Variants in SORL1 observed in about 807,000 individuals in gnomAD.
SORL1 encodes the protein sortilin-related receptor.
SORL1 carries 127 observed loss-of-function variants against 273.7 expected under a neutral mutation model. The ratio of observed to expected loss-of-function variants is 0.46; its 90% CI spans 0.40 to 0.54. The LOEUF (loss-of-function observed/expected upper bound fraction) is 0.54, where lower values mean the gene tolerates loss of function less well. SORL1 is among the 20% of genes least tolerant of loss of function. The pLI is 0.00. For missense variants in SORL1, 2,494 were observed against 2,846.1 expected (o/e 0.88, Z 2.81); for synonymous variants, 1,031 against 1,067.4 (o/e 0.97, Z 0.66).
At chr11:121,475,558 T>A (rs1308461920) in intron 2 of SORL1, among the ~76,000 whole-genome samples, 1 of 152,234 alleles carries the variant, frequency 6.6e-6, no homozygotes, top group Non-Finnish European at 1.5e-5. Context: ...GGCTTTCTAC[T>A]TGGTTAATGT....
intron 3 of SORL1, 91 bp from the exon 4 acceptor site, chr11:121,487,941 T>C: frequency 7.4e-7 from 1 of 1,358,388 alleles, no homozygotes; most frequent in Non-Finnish European, 1.0e-6. Context: ...CCTGCACATG[T>C]GTGTACTCGT....
chr11:121,480,084 T>C (rs1355362311), intron 3 of SORL1, among the ~76,000 whole-genome samples: 2 of 152,160 alleles, frequency 1.3e-5, no homozygotes, highest in East Asian at 3.9e-4. Flanking sequence ...CATAGCTGCC[T>C]CTTCTGTGGA....
At chr11:121,562,656 G>C (rs1005737606) in intron 21 of SORL1, among the ~76,000 whole-genome samples, 16 of 152,228 alleles carry the variant, frequency 1.1e-4, no homozygotes, top group African/African-American at 2.9e-4. Flanking sequence ...TTTACTTCAT[G>C]ATGACCCTAC....
rs1555047956 is a variant in SORL1 at position 121,472,978 on chromosome 11, AAG to A, written c.402+2856_402+2857del. 2.6e-5 allele frequency among the ~76,000 whole-genome samples: 4 copies of A among 151,414 alleles called. No homozygotes were observed. The East Asian group carries it at 7.8e-4, about 29-fold the overall frequency. On this transcript the variant is annotated intron_variant, in intron 2 of 47. Coordinates refer to ENST00000260197, the MANE Select transcript of SORL1 (RefSeq NM_003105.6). ...CTCTGTCTCAAAAAAGAAAAAAAAA[AAG>A]GAGATAGATTAAATGGGAAGGAAAC...
chr11:121,579,407 T>C (rs971576561), intron 25 of SORL1, among the ~76,000 whole-genome samples: 42 of 152,372 alleles, frequency 2.8e-4, no homozygotes, highest in Non-Finnish European at 1.0e-4. Context: ...GCTGACCTCC[T>C]GTTGGCATCA....
In SORL1 at chr11:121,577,399, C is replaced by G; in HGVS notation, c.3579C>G (p.Thr1193=). ...CRDWSDEANC[T]AIYHTCEASN... is the part of the protein sequence containing the mutation. ...ACTGGTCTGATGAAGCCAACTGTAC[C>G]GGTCAGTACTTCCTGGACTCAGTTG... Residue 1193 remains threonine, a splice_region_variant and synonymous_variant, in exon 25 of 48, where the codon ACC becomes ACG. Coordinates refer to ENST00000260197, the MANE Select transcript of SORL1 (RefSeq NM_003105.6). 1.3e-6 allele frequency: 2 copies of G among 1,597,476 alleles called. No homozygotes were observed. Among genetic ancestry groups the G allele is most frequent in the Non-Finnish European group, 1.7e-6 (2 of 1,172,096 alleles).
At chr11:121,530,460 A>AGTAAT (rs1862186998) in intron 11 of SORL1, among the ~76,000 whole-genome samples, 1 of 152,152 alleles carries the variant, frequency 6.6e-6, no homozygotes, top group African/African-American at 2.4e-5. Flanking sequence ...TACTTTAAAG[A>AGTAAT]TGTCTACTGT....
chr11:121,627,768 GT>G lies in SORL1; in HGVS notation c.6577+2del. ...ATCTTCTCCTCTGGGGATGACCTGG[GT>G]AAGTGGGGCAGGGAGAGTCGGTTCT... On this transcript the variant is annotated splice_donor_variant, in intron 47 of 47. Transcript: ENST00000260197. LOFTEE classifies it high-confidence loss of function. This position sits in a 1 kb window ranked among gnomAD's most constrained non-coding sequence, Gnocchi z 4.9. 1 of 1,611,334 alleles carries G rather than the reference GT, an allele frequency of 6.2e-7. No homozygotes were observed. The highest frequency in any genetic ancestry group is 8.5e-7 in the Non-Finnish European group (1 of 1,178,254).
At chr11:121,489,169 T>C (rs1861516450) in intron 4 of SORL1, among the ~76,000 whole-genome samples, 1 of 152,212 alleles carries the variant, frequency 6.6e-6, no homozygotes, top group South Asian at 2.1e-4. Flanking sequence ...TCCTCTGCAT[T>C]CATCTTTAAT....
At position 121,567,017 on chromosome 11, in the gene SORL1, C is replaced by T. The variant is rs1406795213; in HGVS notation, c.3127C>T (p.Pro1043Ser). Residue 1043 changes from proline (P) to serine (S), a missense_variant, in exon 22 of 48, where the codon CCA becomes TCA. Around this residue, in one of 3 missense-constraint regions of SORL1, gnomAD observed 1,609 missense variants for 1,816.4 expected, o/e 0.89. Transcript: ENST00000260197. ...CAACAACAGTAGAAGCTGCAGGTGT[C>T]CAGAGGATGTGTCCAGCAGTGTGCT... is the stretch of plus-strand genomic sequence containing the variant. ...KANNSRSCRC[P>S]EDVSSSVLPS... 6.2e-7 allele frequency: 1 copy of T among 1,614,180 alleles called. No homozygotes were observed. Among genetic ancestry groups the T allele is most frequent in the Non-Finnish European group, 8.5e-7 (1 of 1,180,008 alleles).
chr11:121,574,141 TG>T lies in SORL1; in HGVS notation c.3338-99del, dbSNP rs1418186077. ...AATTTCTGTTGCTACAATTAATACC[TG>T]CTTTCTTCTATTTTTTAATTGGTTT... On this transcript the variant is annotated intron_variant, in intron 23 of 47. Coordinates refer to ENST00000260197, the MANE Select transcript of SORL1 (RefSeq NM_003105.6). The T allele has an allele frequency of 3.5e-5, 41 of 1,185,528 alleles. No individual in the cohort carries two copies. In the African/African-American group the frequency reaches 4.9e-4, roughly 14 times the overall value. The allele number at this position is 1,185,528 out of a possible 1,614,324, so 73.4% of individuals were successfully genotyped here. A position where few individuals can be genotyped will look rare whatever the true frequency, so the allele number is the denominator to read the frequency against.
chr11:121,477,072 G>A (rs997733126), intron 2 of SORL1, among the ~76,000 whole-genome samples: 6 of 152,036 alleles, frequency 3.9e-5, no homozygotes, highest in African/African-American at 4.8e-5. Context: ...GGTTACAGGC[G>A]TGAGCCACTG....
intron 31 of SORL1, among the ~76,000 whole-genome samples, chr11:121,594,263 G>A (rs371024772): frequency 1.3e-5 from 2 of 152,026 alleles, no homozygotes; most frequent in Non-Finnish European, 2.9e-5. Flanking sequence ...CATGCTTTTT[G>A]ATATGGAAGT....
intron 1 of SORL1, among the ~76,000 whole-genome samples, chr11:121,459,199 T>A (rs1034390024): frequency 6.6e-6 from 1 of 152,242 alleles, no homozygotes; most frequent in South Asian, 2.1e-4. Context: ...ACTTGAAGTG[T>A]CTTTCATTTA....
At chr11:121,566,580 C>G (rs145806200) in intron 21 of SORL1, 1 of 179,446 alleles carries the variant, frequency 5.6e-6, no homozygotes, top group African/African-American at 2.4e-5. Flanking sequence ...GACTTCCACA[C>G]GGTTTTGGCT....
In SORL1 at chr11:121,605,544, T is replaced by G; in HGVS notation, c.4921T>G (p.Phe1641Val). The change falls in exon 35 of 48, where the codon TTT (phenylalanine) becomes GTT (valine). Residue 1641 changes from phenylalanine to valine, a missense_variant. Transcript: ENST00000260197. ...CLSKAHNTND[F>V]VTLRTPEGLP... ...CAGCAAGGCACACAACACCAATGAC[T>G]TTGTGACCCTGAGGACCCCAGAGGG... The G allele has an allele frequency of 6.2e-7, 1 of 1,614,040 alleles. No individual in the cohort carries two copies. Among genetic ancestry groups the G allele is most frequent in the Non-Finnish European group, 8.5e-7 (1 of 1,179,914 alleles).
intron 22 of SORL1, among the ~76,000 whole-genome samples, chr11:121,569,484 C>T (rs1189775174): frequency 6.6e-6 from 1 of 152,140 alleles, no homozygotes; most frequent in Non-Finnish European, 1.5e-5. Flanking sequence ...AGAATGCGTC[C>T]CTGAGGGTAG....
intron 1 of SORL1, among the ~76,000 whole-genome samples, chr11:121,466,328 G>A (rs1183992843): frequency 6.6e-6 from 1 of 152,124 alleles, no homozygotes; most frequent in African/African-American, 2.4e-5. Context: ...GGGGATTGGC[G>A]ATGGAAAAAG....
intron 27 of SORL1, 103 bp downstream of exon 27, chr11:121,586,432 G>A (rs1158032648): frequency 2.2e-6 from 2 of 907,134 alleles, no homozygotes; most frequent in East Asian, 2.4e-5. Context: ...CCTGCTTGTG[G>A]TTAGCTTTTA....
Sources: gnomAD v4.1 joint callset for allele counts (sites outside exome capture counted in the v4.1 genomes callset) on GRCh38, gnomAD v4.1.1 for gene constraint, gnomAD v4.1.1 regional missense constraint, Gnocchi (gnomAD v3.1) non-coding constraint, MANE v1.5 for transcripts, NCBI Gene and HGNC (gene_info 2026-07-23, HGNC 2026-07-21) for gene names.